CYP2C18: variants seen among roughly 807,000 people sequenced by gnomAD.
CYP2C18 encodes cytochrome P450 family 2 subfamily C member 18, also known as cytochrome P450 2C18.
A neutral mutation model predicts 41.3 loss-of-function variants in CYP2C18; 38 were observed. The ratio of observed to expected loss-of-function variants is 0.92; its 90% CI spans 0.71 to 1.21. The LOEUF (loss-of-function observed/expected upper bound fraction) is 1.21, where lower values mean the gene tolerates loss of function less well. Among genes scored for constraint, CYP2C18 ranks in the 50% most tolerant of loss-of-function variants. The pLI is 0.00. For missense variants in CYP2C18, 635 were observed against 591.4 expected, an observed-to-expected ratio of 1.07 and a Z score of -0.77; for synonymous variants, 236 against 210.0, an observed-to-expected ratio of 1.12 and a Z score of -1.07.
intron 5 of CYP2C18, among the ~76,000 whole-genome samples, chr10:94,715,320 C>T (rs1231478367): frequency 1.3e-5 from 2 of 152,162 alleles, no homozygotes; most frequent in Non-Finnish European, 2.9e-5. Context: ...TTGGGTTTGT[C>T]ATAAATAGCT....
At chr10:94,712,008 ATTTTTTT>A (rs35672164) in intron 5 of CYP2C18, among the ~76,000 whole-genome samples, 13 of 97,874 alleles carry the variant, frequency 1.3e-4, no homozygotes, top group African/African-American at 2.6e-4. Context: ...TGCCCAACTA[ATTTTTTT>A]TTTTTTTTTT....
Position 94,724,393 on chromosome 10 carries a change from C to A in CYP2C18, c.1009C>A (p.Pro337Thr). The A allele has an allele frequency of 6.2e-7, 1 of 1,613,450 alleles. No individual in the cohort carries two copies. The highest frequency in any genetic ancestry group is 1.1e-5 in the South Asian group (1 of 91,046). ...IECVVGRNRS[P>T]CMQDRSHMPY... ...ATGTGTAGTTGGCAGAAACCGGAGC[C>A]CCTGTATGCAGGACAGGAGTCACAT... is the stretch of plus-strand genomic sequence containing the variant. Residue 337 changes from proline (P) to threonine (T), a missense_variant, in exon 7 of 9, where the codon CCC (proline) becomes ACC (threonine). Pro to Thr is a conservative substitution (Grantham distance 38). Coordinates refer to ENST00000285979, the MANE Select transcript of CYP2C18 (RefSeq NM_000772.3).
intron 7 of CYP2C18, 34 bp from the exon 8 acceptor site, chr10:94,733,263 T>C: frequency 6.2e-7 from 1 of 1,601,680 alleles, no homozygotes; most frequent in Non-Finnish European, 8.5e-7. Flanking sequence ...TTTGACTTCT[T>C]TATAACTTAG....
At chr10:94,705,536 A>C (rs531401705) in intron 4 of CYP2C18, among the ~76,000 whole-genome samples, 101 of 152,226 alleles carry the variant, frequency 6.6e-4, no homozygotes, top group Non-Finnish European at 1.3e-3. Context: ...AAACCCACAA[A>C]GCTTTTCTAC....
At chr10:94,712,320 T>C (rs746001242) in intron 5 of CYP2C18, among the ~76,000 whole-genome samples, 1 of 152,002 alleles carries the variant, frequency 6.6e-6, no homozygotes, top group African/African-American at 2.4e-5. Context: ...ACAGGCTTTA[T>C]ACCCTTTGAC....
intron 4 of CYP2C18, among the ~76,000 whole-genome samples, chr10:94,695,635 A>C (rs1046463739): frequency 6.6e-6 from 1 of 152,106 alleles, no homozygotes. Context: ...AACAGTGGGT[A>C]CAGGACAGTG....
intron 4 of CYP2C18, among the ~76,000 whole-genome samples, chr10:94,702,089 C>G (rs1403686889): frequency 1.3e-5 from 2 of 152,166 alleles, no homozygotes; most frequent in African/African-American, 4.8e-5. Flanking sequence ...TGTCTGGTGT[C>G]TGCACAGAGA....
chr10:94,720,404 C>A lies in CYP2C18; in HGVS notation c.828C>A (p.His276Gln). The change falls in exon 6 of 9, where the codon CAC becomes CAA. Residue 276 changes from histidine to glutamine, a missense_variant. By Grantham distance (24) the His-to-Gln change is conservative. Transcript: ENST00000285979. ...ATGAAATAATTTTTTAGGAAAAGCA[C>A]AATCAACAGTCTGAATTTACTGTTG... Reference protein sequence around the residue: ...CFLIKMEQEKHNQQSEFTVES... With the variant: ...CFLIKMEQEKQNQQSEFTVES... The A allele has an allele frequency of 6.2e-7, 1 of 1,605,416 alleles. No individual in the cohort carries two copies. The highest frequency in any genetic ancestry group is 1.1e-5 in the South Asian group (1 of 88,504).
chr10:94,709,979 A>G (rs1205591023), intron 5 of CYP2C18, among the ~76,000 whole-genome samples: 1 of 151,950 alleles, frequency 6.6e-6, no homozygotes, highest in East Asian at 1.9e-4. Context: ...TGCCAGTATG[A>G]CAGTACTTTT....
Position 94,726,343 on chromosome 10 carries a change from C to T in CYP2C18, c.1149+1810C>T, listed in dbSNP as rs1847741659. 1.3e-5 allele frequency among the ~76,000 whole-genome samples: 2 copies of T among 152,028 alleles called. 1 individual carries two copies. The highest frequency in any genetic ancestry group is 4.1e-4 in the South Asian group (2 of 4,824). On this transcript the variant is annotated intron_variant, in intron 7 of 8. Coordinates refer to ENST00000285979, the MANE Select transcript of CYP2C18 (RefSeq NM_000772.3). The stretch of plus-strand genomic sequence containing the variant: ...AGGTATTTCTCCTAATGTTATCCCT[C>T]CCCTAGCCCCAACATCCCCCACAGG...
Position 94,733,613 on chromosome 10 carries a change from G to A in CYP2C18, c.1291+175G>A, listed in dbSNP as rs568335049. On this transcript the variant is annotated intron_variant, in intron 8 of 8. Coordinates refer to ENST00000285979, the MANE Select transcript of CYP2C18 (RefSeq NM_000772.3). ...GATGAACATCCCCATTATTGGGCCAGGTTAGTGGGGCTTTGGGGAGTTGAT... is the reference window on the plus strand; with the variant it reads ...GATGAACATCCCCATTATTGGGCCAAGTTAGTGGGGCTTTGGGGAGTTGAT... 1.1e-5 allele frequency: 11 copies of A among 984,806 alleles called. No individual in the cohort carries two copies. The East Asian group carries it at 6.8e-4, about 61-fold the overall frequency. 61.0% of individuals were successfully genotyped at this position (984,806 alleles called of 1,614,324 possible). A position where few individuals can be genotyped will look rare whatever the true frequency, so the allele number is the denominator to read the frequency against.
At chr10:94,724,680 G>T (rs895050894) in intron 7 of CYP2C18, 147 bp downstream of exon 7, 33 of 755,206 alleles carry the variant, frequency 4.4e-5, no homozygotes, top group Non-Finnish European at 6.6e-5. Context: ...TTCCATTCCA[G>T]TTTGGGCCTA....
At chr10:94,700,521 G>C (rs143966491) in intron 4 of CYP2C18, among the ~76,000 whole-genome samples, 56 of 152,160 alleles carry the variant, frequency 3.7e-4, no homozygotes, top group African/African-American at 8.7e-4. Flanking sequence ...CATAAAAACC[G>C]TAGAAGAAAA....
intron 7 of CYP2C18, among the ~76,000 whole-genome samples, chr10:94,730,037 G>A (rs370038411): frequency 2.0e-4 from 31 of 152,160 alleles, no homozygotes; most frequent in South Asian, 8.3e-4. Context: ...TACAAAACAC[G>A]TTCATTTTGG....
intron 1 of CYP2C18, among the ~76,000 whole-genome samples, chr10:94,684,680 C>T (rs1232265960): frequency 6.6e-6 from 1 of 152,102 alleles, no homozygotes; most frequent in Non-Finnish European, 1.5e-5. Flanking sequence ...GACATGTCTT[C>T]CACATACTGA....
intron 7 of CYP2C18, among the ~76,000 whole-genome samples, chr10:94,731,228 A>C (rs1251866348): frequency 6.6e-6 from 1 of 151,938 alleles, no homozygotes; most frequent in Non-Finnish European, 1.5e-5. Flanking sequence ...AAAATACAAA[A>C]AGTTAGCCAG....
At chr10:94,717,142 TA>T (rs973977970) in intron 5 of CYP2C18, among the ~76,000 whole-genome samples, 1 of 152,138 alleles carries the variant, frequency 6.6e-6, no homozygotes, top group Non-Finnish European at 1.5e-5. Context: ...TCCAGTTTGC[TA>T]GTCTGTGTCT....
chr10:94,713,015 C>A (rs1288962316), intron 5 of CYP2C18, among the ~76,000 whole-genome samples: 1 of 151,944 alleles, frequency 6.6e-6, no homozygotes, highest in Non-Finnish European at 1.5e-5. Context: ...AGGCTATTTG[C>A]CCATTTCTTA....
In CYP2C18 at chr10:94,695,040, A is replaced by G. The variant is rs137908489; in HGVS notation, c.605A>G (p.Asn202Ser). ...QRFLNLMEKF[N>S]ENLRILSSPW... is the part of the protein sequence containing the mutation. ...TTTCTTAACTTGATGGAAAAATTCAATGAAAACCTCAGGATTCTGAGCTCT... is the reference window on the plus strand; with the variant it reads ...TTTCTTAACTTGATGGAAAAATTCAGTGAAAACCTCAGGATTCTGAGCTCT... Residue 202 changes from asparagine (N) to serine (S), a missense_variant, in exon 4 of 9, where the codon AAT becomes AGT. Coordinates refer to ENST00000285979, the MANE Select transcript of CYP2C18 (RefSeq NM_000772.3). 467 of 1,613,086 alleles carry G rather than the reference A, an allele frequency of 2.9e-4. No individual in the cohort carries two copies. Among genetic ancestry groups the G allele is most frequent in the Non-Finnish European group, 3.7e-4 (434 of 1,179,828 alleles).
Sources: allele counts gnomAD v4.1 joint callset (sites outside exome capture counted in the v4.1 genomes callset), GRCh38; gene constraint gnomAD v4.1.1; transcripts MANE v1.5; gene names NCBI Gene and HGNC (gene_info 2026-07-23, HGNC 2026-07-21).